Variants in CSMD3 observed in about 807,000 individuals in gnomAD.
CSMD3 encodes the protein CUB and sushi domain-containing protein 3.
In CSMD3, 177 loss-of-function variants were observed where a neutral mutation model predicts 435.2. That is an observed-to-expected ratio of 0.41 (90% confidence interval 0.36 to 0.46). The LOEUF (loss-of-function observed/expected upper bound fraction) is 0.46. Among genes scored for constraint, CSMD3 ranks in the 20% least tolerant of loss-of-function variants. The probability of loss-of-function intolerance (pLI) is 0.34; values close to 1 mark genes in which losing one functional copy is unlikely to be tolerated. For missense variants in CSMD3, 4,265 were observed against 4,504.6 expected (o/e 0.95, Z 1.52); for synonymous variants, 1,656 against 1,520.5 (o/e 1.09, Z -2.07).
chr8:112,576,426 TAGTA>T (rs1312994243), intron 23 of CSMD3, among the ~76,000 whole-genome samples: 3 of 152,078 alleles, frequency 2.0e-5, no homozygotes, highest in African/African-American at 7.2e-5. Flanking sequence ...AAAAATAACA[TAGTA>T]AGACATCATT....
intron 2 of CSMD3, among the ~76,000 whole-genome samples, chr8:113,306,251 G>A (rs961547030): frequency 1.3e-5 from 2 of 152,080 alleles, no homozygotes; most frequent in South Asian, 2.1e-4. Context: ...GAGCCTCTGC[G>A]TTTCCCAGAT....
intron 9 of CSMD3, among the ~76,000 whole-genome samples, chr8:112,925,644 T>G (rs1380278834): frequency 6.6e-6 from 1 of 152,092 alleles, no homozygotes; most frequent in Admixed American, 6.6e-5. Context: ...GGGCTTAAGT[T>G]AAGATGGAGC....
chr8:113,051,522 T>C (rs999730513), intron 5 of CSMD3, among the ~76,000 whole-genome samples: 2 of 152,164 alleles, frequency 1.3e-5, no homozygotes, highest in Non-Finnish European at 2.9e-5. Flanking sequence ...CTCTTTGAAT[T>C]TGTTTCAGTT....
intron 6 of CSMD3, among the ~76,000 whole-genome samples, chr8:112,993,620 GA>G (rs1436025096): frequency 1.3e-5 from 2 of 151,734 alleles, no homozygotes; most frequent in African/African-American, 2.4e-5. Context: ...CATATTTTTA[GA>G]GGGGTACAGA....
intron 1 of CSMD3, among the ~76,000 whole-genome samples, chr8:113,315,780 G>A (rs891618268): frequency 1.4e-4 from 21 of 150,844 alleles, no homozygotes; most frequent in African/African-American, 4.6e-4. Context: ...GTGCAGTGGC[G>A]AGATCTCAGC....
At chr8:113,133,916 G>T (rs1340776920) in intron 4 of CSMD3, among the ~76,000 whole-genome samples, 1 of 152,014 alleles carries the variant, frequency 6.6e-6, no homozygotes, top group East Asian at 1.9e-4. Flanking sequence ...AAGAGGAGTT[G>T]TTTAACAGGT....
Position 112,311,042 on chromosome 8 carries a change from A to C in CSMD3, c.7821T>G (p.Ser2607Arg), listed in dbSNP as rs1256766921. Reference sequence around the variant, plus strand: ...CATAGGAAGACTTTCTGCACACAGCACTGCTTTTTCCAACAAGTCGGAATC... The same window carrying C: ...CATAGGAAGACTTTCTGCACACAGCCCTGCTTTTTCCAACAAGTCGGAATC... The part of the protein sequence containing the change: ...DRGFRLVGKS[S>R]AVCRKSSYGY... The change falls in exon 50 of 71, where the codon AGT becomes AGG. Residue 2607 changes from serine to arginine, a missense_variant. By Grantham distance (110) the Ser-to-Arg change is moderately radical (BLOSUM62 -1). Transcript: ENST00000297405. 6.2e-7 allele frequency: 1 copy of C among 1,614,114 alleles called. No individual in the cohort carries two copies. The highest frequency in any genetic ancestry group is 2.2e-5 in the East Asian group (1 of 44,856).
intron 4 of CSMD3, among the ~76,000 whole-genome samples, chr8:113,118,949 T>A (rs2090912015): frequency 6.6e-6 from 1 of 152,132 alleles, no homozygotes; most frequent in South Asian, 2.1e-4. Context: ...TTGTTTCTCA[T>A]TTTCTGCTAC....
chr8:112,779,792 A>G (rs527271310), intron 13 of CSMD3, among the ~76,000 whole-genome samples: 1 of 152,234 alleles, frequency 6.6e-6, no homozygotes, highest in East Asian at 1.9e-4. Context: ...CTCATGTGAG[A>G]TAAGCAAAAA....
intron 13 of CSMD3, among the ~76,000 whole-genome samples, chr8:112,697,979 T>C (rs2076296745): frequency 6.6e-6 from 1 of 152,054 alleles, no homozygotes; most frequent in Non-Finnish European, 1.5e-5. Context: ...ATAAAGCCTT[T>C]TTCTTCCCTT....
intron 68 of CSMD3, among the ~76,000 whole-genome samples, chr8:112,232,945 C>T (rs1449390015): frequency 2.6e-5 from 4 of 152,142 alleles, no homozygotes; most frequent in Non-Finnish European, 4.4e-5. Flanking sequence ...AGTAGTGCCT[C>T]CACAGCTAAC....
intron 10 of CSMD3, among the ~76,000 whole-genome samples, chr8:112,913,015 C>T (rs1186854959): frequency 6.6e-6 from 1 of 151,984 alleles, no homozygotes; most frequent in Non-Finnish European, 1.5e-5. Context: ...TAAGCCTTTG[C>T]CCACGGGGCT....
chr8:112,324,688 C>CA (rs2130892526), intron 45 of CSMD3, among the ~76,000 whole-genome samples: 1 of 151,910 alleles, frequency 6.6e-6, no homozygotes, highest in South Asian at 2.1e-4. Context: ...CAGGATTGTA[C>CA]AAGTTATACT....
At chr8:112,520,939 C>T (rs1017860316) in intron 27 of CSMD3, among the ~76,000 whole-genome samples, 1 of 151,870 alleles carries the variant, frequency 6.6e-6, no homozygotes, top group African/African-American at 2.4e-5. Context: ...TATTTACATC[C>T]ATATTTTGTT....
intron 69 of CSMD3, among the ~76,000 whole-genome samples, chr8:112,230,337 T>C (rs1812973496): frequency 6.6e-6 from 1 of 152,238 alleles, no homozygotes; most frequent in Non-Finnish European, 1.5e-5. Context: ...GGCATCTTAT[T>C]ACTTTTCATG....
At chr8:112,558,514 G>A (rs550860428) in intron 24 of CSMD3, among the ~76,000 whole-genome samples, 1 of 151,904 alleles carries the variant, frequency 6.6e-6, no homozygotes, top group Non-Finnish European at 1.5e-5. Flanking sequence ...GGTTCTTTGG[G>A]TCTTTATTTC....
intron 27 of CSMD3, among the ~76,000 whole-genome samples, chr8:112,527,197 T>A (rs894382575): frequency 6.6e-6 from 1 of 151,838 alleles, no homozygotes; most frequent in Non-Finnish European, 1.5e-5. Context: ...GATGCAACCA[T>A]AAGCTATTTA....
chr8:112,874,899 G>A (rs1317415381), intron 10 of CSMD3, among the ~76,000 whole-genome samples: 1 of 151,934 alleles, frequency 6.6e-6, no homozygotes, highest in Non-Finnish European at 1.5e-5. Flanking sequence ...TTTTAATTGG[G>A]GCACTCAGCC....
intron 1 of CSMD3, among the ~76,000 whole-genome samples, chr8:113,347,782 T>C (rs142148589): frequency 4.3e-4 from 66 of 152,246 alleles, no homozygotes; most frequent in Admixed American, 2.4e-3. Context: ...CAAGCTTTCA[T>C]GTTAAACAAA....
Sources: gnomAD v4.1 joint callset for allele counts (sites outside exome capture counted in the v4.1 genomes callset) on GRCh38, gnomAD v4.1.1 for gene constraint, MANE v1.5 for transcripts, NCBI Gene and HGNC (gene_info 2026-07-23, HGNC 2026-07-21) for gene names.